TMEM233: variants seen among roughly 807,000 people sequenced by gnomAD.
The protein encoded by TMEM233 is transmembrane protein 233, also known as dispanin subfamily B member 2.
Under a neutral mutation model 11.2 loss-of-function variants are expected in TMEM233, and 6 were observed. The observed-to-expected ratio is 0.54, with a 90% CI of 0.29 to 1.06. The LOEUF (loss-of-function observed/expected upper bound fraction) is 1.06, where lower values mean the gene tolerates loss of function less well. Among genes scored for constraint, TMEM233 ranks in the 50% least tolerant of loss-of-function variants. The pLI is 0.08. For missense variants in TMEM233, 127 were observed against 144.7 expected (o/e 0.88, Z 0.63); for synonymous variants, 59 against 55.8 (o/e 1.06, Z -0.26).
intron 2 of TMEM233, among the ~76,000 whole-genome samples, chr12:119,639,413 C>T (rs1030296245): frequency 1.3e-5 from 2 of 150,974 alleles, no homozygotes; most frequent in African/African-American, 2.4e-5. Context: ...GTCAGGAGAT[C>T]GATACCATCC....
downstream of TMEM233, among the ~76,000 whole-genome samples, chr12:119,646,071 T>TC (rs1440373152): frequency 1.6e-5 from 1 of 63,900 alleles, no homozygotes; most frequent in Non-Finnish European, 3.9e-5. Context: ...CTTTTTTTTT[T>TC]TTTTGAGATG....
In TMEM233 at chr12:119,635,448, C is replaced by T. The variant is rs544726091; in HGVS notation, c.324-5251C>T. ...TCTTGCCTGTGTGGACATGTGCCAA[C>T]AAACAAGACTTTTTGCATCCCTAAG... On this transcript the variant is annotated intron_variant, in intron 2 of 2. Coordinates refer to ENST00000426426, the MANE Select transcript of TMEM233 (RefSeq NM_001136534.3). Among the ~76,000 whole-genome samples the T allele has an allele frequency of 6.8e-4, 103 of 152,322 alleles. 2 individuals are homozygous for T. In the South Asian group the frequency reaches 0.016, roughly 23 times the overall value.
At chr12:119,598,851 G>A (rs1954100147) in intron 1 of TMEM233, among the ~76,000 whole-genome samples, 1 of 152,184 alleles carries the variant, frequency 6.6e-6, no homozygotes, top group South Asian at 2.1e-4. Context: ...CAATTGTGGA[G>A]ATTAGATAAT....
chr12:119,621,829 G>C (rs1305692539), intron 1 of TMEM233, among the ~76,000 whole-genome samples: 1 of 152,184 alleles, frequency 6.6e-6, no homozygotes, highest in African/African-American at 2.4e-5. Flanking sequence ...AGAAATACAA[G>C]AGAATCCACC....
intron 1 of TMEM233, 135 bp from the exon 2 acceptor site, chr12:119,629,601 C>A: frequency 1.2e-6 from 1 of 847,364 alleles, no homozygotes; most frequent in Non-Finnish European, 1.8e-6. Context: ...GTGTTGTTTG[C>A]TTAGCAGGCT....
intron 1 of TMEM233, among the ~76,000 whole-genome samples, chr12:119,626,535 A>G (rs1180144933): frequency 1.6e-4 from 8 of 51,528 alleles, no homozygotes; most frequent in African/African-American, 4.1e-4. Context: ...GAGAAGGGAG[A>G]AGGGAGAAGA....
At chr12:119,604,998 C>CTT (rs1555264652) in intron 1 of TMEM233, among the ~76,000 whole-genome samples, 11 of 141,476 alleles carry the variant, frequency 7.8e-5, no homozygotes, top group South Asian at 2.2e-4. Flanking sequence ...CCCTCACTAT[C>CTT]TTTTTTTTTT....
intron 1 of TMEM233, among the ~76,000 whole-genome samples, chr12:119,619,627 C>T (rs1312408572): frequency 3.4e-5 from 5 of 148,344 alleles, no homozygotes; most frequent in Non-Finnish European, 7.4e-5. Context: ...GGTGACAGAG[C>T]GAGATCCTGT....
intron 1 of TMEM233, among the ~76,000 whole-genome samples, chr12:119,613,446 C>T (rs1048680399): frequency 2.1e-4 from 32 of 152,126 alleles, no homozygotes; most frequent in African/African-American, 7.5e-4. Context: ...CTGTGACTCG[C>T]GTCAAGAGCA....
intron 1 of TMEM233, among the ~76,000 whole-genome samples, chr12:119,613,546 G>A (rs1277423189): frequency 2.0e-5 from 3 of 152,202 alleles, no homozygotes; most frequent in Non-Finnish European, 4.4e-5. Flanking sequence ...GAGTACAGTG[G>A]CTCATGCCTG....
chr12:119,622,329 T>A (rs185489785), intron 1 of TMEM233, among the ~76,000 whole-genome samples: 60 of 152,262 alleles, frequency 3.9e-4, no homozygotes, highest in African/African-American at 1.3e-3. Flanking sequence ...TGCATGTGCT[T>A]CTATAGCATC....
chr12:119,624,552 C>T (rs1954710951), intron 1 of TMEM233, among the ~76,000 whole-genome samples: 1 of 152,040 alleles, frequency 6.6e-6, no homozygotes, highest in Non-Finnish European at 1.5e-5. Flanking sequence ...ACTTTGAAGA[C>T]ATTATTATGT....
At chr12:119,650,628 T>TTTGTTG in the TMEM233 span, among the ~76,000 whole-genome samples, 1,955 of 151,440 alleles carry the variant, frequency 0.013, 49 homozygotes, top group African/African-American at 0.045. Context: ...CTTATTTGAT[T>TTTGTTG]TTGTTGTTGT....
intron 1 of TMEM233, among the ~76,000 whole-genome samples, chr12:119,625,780 A>G (rs992902101): frequency 1.3e-5 from 2 of 152,224 alleles, no homozygotes; most frequent in Non-Finnish European, 2.9e-5. Flanking sequence ...TTGCAATAAT[A>G]TCAGTTCTAG....
At chr12:119,598,316 C>G (rs1397883519) in intron 1 of TMEM233, among the ~76,000 whole-genome samples, 2 of 152,180 alleles carry the variant, frequency 1.3e-5, no homozygotes, top group Non-Finnish European at 2.9e-5. Flanking sequence ...CTACCTGACT[C>G]AGAAGACGAG....
Position 119,642,903 on chromosome 12 carries a change from G to A in TMEM233, c.*2198G>A, listed in dbSNP as rs1593316884. On this transcript the variant is annotated 3_prime_UTR_variant, in exon 3 of 3. Transcript: ENST00000426426. ...CAGGAGGACGTTGAATCAGGGACAC[G>A]AAATCTCAGCACACAGAGATTCTAG... is the stretch of plus-strand genomic sequence containing the variant. 6.6e-6 allele frequency: 1 copy of A among 152,142 alleles called. No homozygotes were observed. The highest frequency in any genetic ancestry group is 2.4e-5 in the African/African-American group (1 of 41,424). The allele number at this position is 152,142 out of a possible 1,614,324, so 9.4% of individuals were successfully genotyped here. A position where few individuals can be genotyped will look rare whatever the true frequency, so the allele number is the denominator to read the frequency against.
chr12:119,629,164 C>T (rs1470420765), intron 1 of TMEM233, among the ~76,000 whole-genome samples: 1 of 152,196 alleles, frequency 6.6e-6, no homozygotes, highest in Non-Finnish European at 1.5e-5. Context: ...AATCCCAGCA[C>T]TCTGGGAGAC....
intron 1 of TMEM233, among the ~76,000 whole-genome samples, chr12:119,615,204 A>AAAAC (rs1954501247): frequency 9.1e-6 from 1 of 110,374 alleles, no homozygotes; most frequent in Non-Finnish European, 1.9e-5. Flanking sequence ...AAAAAAAAAA[A>AAAAC]AACTGCCTCC....
intron 1 of TMEM233, among the ~76,000 whole-genome samples, chr12:119,603,643 C>T (rs1012301591): frequency 2.0e-5 from 3 of 152,176 alleles, no homozygotes; most frequent in African/African-American, 7.2e-5. Flanking sequence ...CTCTCTTTCA[C>T]TCAAGGTTGT....
Sources: gnomAD v4.1 joint callset for allele counts (sites outside exome capture counted in the v4.1 genomes callset) on GRCh38, gnomAD v4.1.1 for gene constraint, MANE v1.5 for transcripts, NCBI Gene and HGNC (gene_info 2026-07-23, HGNC 2026-07-21) for gene names.